The following URAD variants were observed in gnomAD, a reference collection of about 807,000 sequenced individuals.
URAD encodes putative 2-oxo-4-hydroxy-4-carboxy-5-ureidoimidazoline decarboxylase.
A neutral mutation model predicts 4.6 loss-of-function variants in URAD; 4 were observed. The ratio of observed to expected loss-of-function variants is 0.87; its 90% CI spans 0.43 to 1.98. URAD has a LOEUF of 1.98. Among genes scored for constraint, URAD ranks in the 30% most tolerant of loss-of-function variants. URAD has a pLI of 0.03. For synonymous variants in URAD, 144 were observed against 118.2 expected (o/e 1.22, Z -1.41); for missense variants, 300 against 255.3 (o/e 1.18, Z -1.19).
intron 1 of URAD, 25 bp downstream of exon 1, chr13:27,988,438 A>G: frequency 6.4e-7 from 1 of 1,557,604 alleles, no homozygotes; most frequent in African/African-American, 1.4e-5. Context: ...CCCTTTGCAG[A>G]GAATGTCTGA....
rs1185952208 is a variant in URAD at position 27,984,292 on chromosome 13, A to G, written c.175+4171T>C. 3.3e-5 allele frequency among the ~76,000 whole-genome samples: 5 copies of G among 152,356 alleles called. No individual in the cohort carries two copies. In the East Asian group the frequency reaches 7.7e-4, roughly 23 times the overall value. On this transcript the variant is annotated intron_variant, in intron 1 of 1. Coordinates refer to ENST00000332715, the MANE Select transcript of URAD (RefSeq NM_001105577.2). ...ACACAAATCCGTCCTGAATTTCTTC[A>G]GTTAGTGCATGTGAGTTTCAACTTT...
rs1427040242 is a variant in URAD at position 27,978,369 on chromosome 13, CCCGCTGCGACTCGG to C, written c.245_258del (p.Ala82GlyfsTer140). Reference sequence around the variant, plus strand: ...CTCCTCAGGCCTGCGCCGCTCTGTTCCCGCTGCGACTCGGCCGTGAGCGTGCCCCGCTGCAGCTC... The same window carrying C: ...CTCCTCAGGCCTGCGCCGCTCTGTTCCCGTGAGCGTGCCCCGCTGCAGCTC... On this transcript the variant is annotated frameshift_variant, in exon 2 of 2. Coordinates refer to ENST00000332715, the MANE Select transcript of URAD (RefSeq NM_001105577.2). LOFTEE classifies it low-confidence loss of function (END_TRUNC). 5.0e-5 allele frequency: 70 copies of C among 1,403,222 alleles called. No homozygotes were observed. The African/African-American group carries it at 1.0e-3, about 20-fold the overall frequency. 86.9% of individuals were successfully genotyped at this position (1,403,222 alleles called of 1,614,324 possible).
chr13:27,978,894 G>A (rs148669777), intron 1 of URAD, among the ~76,000 whole-genome samples: 1 of 152,222 alleles, frequency 6.6e-6, no homozygotes, highest in East Asian at 1.9e-4. Context: ...GGGGGGCTTT[G>A]ATGTCTAAAG....
chr13:27,981,343 G>C (rs1869873299), intron 1 of URAD, among the ~76,000 whole-genome samples: 1 of 152,194 alleles, frequency 6.6e-6, no homozygotes, highest in African/African-American at 2.4e-5. Flanking sequence ...CCAGTCCTCA[G>C]TGTTCCCCAC....
intron 1 of URAD, among the ~76,000 whole-genome samples, chr13:27,981,353 C>A (rs563376346): frequency 6.6e-6 from 1 of 152,320 alleles, no homozygotes; most frequent in African/African-American, 2.4e-5. Flanking sequence ...GTGTTCCCCA[C>A]CTGGAAGCCC....
intron 1 of URAD, among the ~76,000 whole-genome samples, chr13:27,985,874 A>G (rs1281402819): frequency 6.6e-6 from 1 of 152,248 alleles, no homozygotes; most frequent in Non-Finnish European, 1.5e-5. Context: ...TGAATGAGTT[A>G]GCAAGTGCAA....
At chr13:27,979,724 CAAA>C (rs1339048397) in intron 1 of URAD, among the ~76,000 whole-genome samples, 2 of 152,286 alleles carry the variant, frequency 1.3e-5, no homozygotes, top group Non-Finnish European at 2.9e-5. Context: ...AATTTTATCT[CAAA>C]GAAGCTGAAA....
chr13:27,987,892 T>TGATAGATAGATAGATATAGATA (rs1555247012), intron 1 of URAD, among the ~76,000 whole-genome samples: 8 of 150,080 alleles, frequency 5.3e-5, no homozygotes, highest in African/African-American at 2.0e-4. Context: ...AATAGATAGA[T>TGATAGATAGATAGATATAGATA]GATAGATAGA....
chr13:27,985,076 T>A (rs1165297105), intron 1 of URAD, among the ~76,000 whole-genome samples: 2 of 152,238 alleles, frequency 1.3e-5, no homozygotes, highest in Admixed American at 6.5e-5. Context: ...CATATATGTA[T>A]ACATTGTGAA....
chr13:27,978,135 G>C lies in URAD; in HGVS notation c.493C>G (p.Leu165Val). ...AGCTTGGCGGGGTCTGCGCGGAGGA[G>C]GTCGGCCAGGCGCAGGCTGCCGATC... Reference protein sequence around the residue: ...KKIGSLRLADLLRADPAKL With the variant: ...KKIGSLRLADVLRADPAKL The change falls in exon 2 of 2, where the codon CTC becomes GTC. Residue 165 changes from leucine to valine, a missense_variant. Coordinates refer to ENST00000332715, the MANE Select transcript of URAD (RefSeq NM_001105577.2). 3 of 1,528,778 alleles carry C rather than the reference G, an allele frequency of 2.0e-6. No homozygotes were observed. Among genetic ancestry groups the C allele is most frequent in the Non-Finnish European group, 2.6e-6 (3 of 1,151,118 alleles). The allele number at this position is 1,528,778 out of a possible 1,614,324, so 94.7% of individuals were successfully genotyped here. A position where few individuals can be genotyped will look rare whatever the true frequency, so the allele number is the denominator to read the frequency against.
intron 1 of URAD, among the ~76,000 whole-genome samples, chr13:27,987,452 C>T (rs1460914875): frequency 6.6e-6 from 1 of 152,236 alleles, no homozygotes; most frequent in Non-Finnish European, 1.5e-5. Flanking sequence ...TCCTTCCCCT[C>T]CATCCCTCAG....
intron 1 of URAD, 60 bp downstream of exon 1, chr13:27,988,403 A>T (rs1870097861): frequency 1.3e-6 from 2 of 1,504,924 alleles, no homozygotes; most frequent in Non-Finnish European, 1.8e-6. Context: ...GTATCTAAAA[A>T]TATTTTAACA....
chr13:27,980,309 C>T (rs2137555360), intron 1 of URAD, among the ~76,000 whole-genome samples: 1 of 152,082 alleles, frequency 6.6e-6, no homozygotes, highest in Non-Finnish European at 1.5e-5. Flanking sequence ...TCCCGCTTCC[C>T]GCGTCCAGCT....
At chr13:27,983,959 A>T (rs1869946073) in intron 1 of URAD, among the ~76,000 whole-genome samples, 1 of 152,250 alleles carries the variant, frequency 6.6e-6, no homozygotes, top group African/African-American at 2.4e-5. Context: ...ACTTATTAGT[A>T]TCCAACTCCA....
intron 1 of URAD, 135 bp downstream of exon 1, chr13:27,988,328 G>T: frequency 1.2e-6 from 1 of 861,650 alleles, no homozygotes; most frequent in Non-Finnish European, 1.7e-6. Flanking sequence ...CTGGGCTCAA[G>T]TGATCCTCCC....
rs1456304091 is a variant in URAD at position 27,984,982 on chromosome 13, AAAAC to A, written c.175+3477_175+3480del. 3.3e-5 allele frequency among the ~76,000 whole-genome samples: 5 copies of A among 151,986 alleles called. No individual in the cohort carries two copies. The East Asian group carries it at 9.7e-4, about 29-fold the overall frequency. On this transcript the variant is annotated intron_variant, in intron 1 of 1. Coordinates refer to ENST00000332715, the MANE Select transcript of URAD (RefSeq NM_001105577.2). ...TGACAGAGCAAGACTCCATCTCAAA[AAAAC>A]AAACAAACAAAAGCAATTTTATTGG...
chr13:27,980,855 G>C (rs918154856), intron 1 of URAD, among the ~76,000 whole-genome samples: 1 of 151,904 alleles, frequency 6.6e-6, no homozygotes, highest in South Asian at 2.1e-4. Flanking sequence ...GCTTGGAAAC[G>C]TCGCCCGGGG....
chr13:27,980,844 C>T (rs1270331260), intron 1 of URAD, among the ~76,000 whole-genome samples: 1 of 151,840 alleles, frequency 6.6e-6, no homozygotes, highest in African/African-American at 2.4e-5. Context: ...GTTTGTCTCC[C>T]GCTTGGAAAC....
intron 1 of URAD, 69 bp from the exon 2 acceptor site, chr13:27,978,521 G>A (rs2137553839): frequency 1.7e-6 from 2 of 1,180,454 alleles, no homozygotes; most frequent in Admixed American, 4.3e-5. Flanking sequence ...CACTCGAGGG[G>A]GCGCGTAGGC....
Sources: gnomAD v4.1 joint callset for allele counts (sites outside exome capture counted in the v4.1 genomes callset) on GRCh38, gnomAD v4.1.1 for gene constraint, MANE v1.5 for transcripts, NCBI Gene and HGNC (gene_info 2026-07-23, HGNC 2026-07-21) for gene names.